Variants in RALGAPA1 observed in about 807,000 individuals in gnomAD.
RALGAPA1 encodes ral GTPase-activating protein subunit alpha-1.
Under a neutral mutation model 269.6 loss-of-function variants are expected in RALGAPA1, and 52 were observed. The observed-to-expected ratio is 0.19, with a 90% confidence interval of 0.15 to 0.24. The LOEUF (loss-of-function observed/expected upper bound fraction) is 0.24. Among genes scored for constraint, RALGAPA1 ranks in the 10% least tolerant of loss-of-function variants. RALGAPA1 has a pLI of 1.00. For missense variants in RALGAPA1, 1,917 were observed against 3,013.9 expected, an observed-to-expected ratio of 0.64 and a Z score of 8.52; for synonymous variants, 817 against 1,008.3, an observed-to-expected ratio of 0.81 and a Z score of 3.60.
chr14:35,744,255 C>T (rs1313706693), intron 10 of RALGAPA1, among the ~76,000 whole-genome samples: 1 of 151,468 alleles, frequency 6.6e-6, no homozygotes, highest in Non-Finnish European at 1.5e-5. Context: ...CCTGTAATAC[C>T]AGCTACTTGA....
At chr14:35,550,261 T>A (rs867105418) in intron 39 of RALGAPA1, among the ~76,000 whole-genome samples, 17 of 152,190 alleles carry the variant, frequency 1.1e-4, no homozygotes, top group Non-Finnish European at 7.4e-5. Context: ...AACTGAGAAA[T>A]CAGTTAACCT....
At chr14:35,731,530 T>C (rs1254656324) in intron 12 of RALGAPA1, among the ~76,000 whole-genome samples, 1 of 151,968 alleles carries the variant, frequency 6.6e-6, no homozygotes, top group Non-Finnish European at 1.5e-5. Flanking sequence ...TTAAATAGCT[T>C]AAAGAAAAAG....
chr14:35,713,146 G>A (rs942309157), intron 16 of RALGAPA1, among the ~76,000 whole-genome samples: 1 of 152,210 alleles, frequency 6.6e-6, no homozygotes, highest in Non-Finnish European at 1.5e-5. Context: ...AACGGATCTG[G>A]AGGTTGTGAA....
intron 32 of RALGAPA1, among the ~76,000 whole-genome samples, chr14:35,635,244 C>T (rs1408701542): frequency 6.6e-6 from 1 of 151,978 alleles, no homozygotes; most frequent in African/African-American, 2.4e-5. Flanking sequence ...AAATTATACT[C>T]ATATGTAACA....
chr14:35,764,409 T>C (rs1033673432), intron 4 of RALGAPA1, among the ~76,000 whole-genome samples: 3 of 152,000 alleles, frequency 2.0e-5, no homozygotes, highest in South Asian at 4.1e-4. Context: ...TATATATATA[T>C]GGAGTTCCTT....
At chr14:35,629,284 T>TGC (rs2061185058) in intron 33 of RALGAPA1, among the ~76,000 whole-genome samples, 1 of 34,778 alleles carries the variant, frequency 2.9e-5, no homozygotes. Flanking sequence ...GTTTAGGGGG[T>TGC]GTGTGTGTGT....
intron 37 of RALGAPA1, among the ~76,000 whole-genome samples, chr14:35,591,650 C>G (rs2058644192): frequency 6.6e-6 from 1 of 152,114 alleles, no homozygotes; most frequent in Non-Finnish European, 1.5e-5. Context: ...TCCTCTCCCT[C>G]AATCAATATA....
chr14:35,751,805 ACAAC>A (rs747603424), intron 8 of RALGAPA1, among the ~76,000 whole-genome samples: 3 of 148,048 alleles, frequency 2.0e-5, no homozygotes, highest in Non-Finnish European at 1.5e-5. Context: ...AACAACAACA[ACAAC>A]AACAAAAAAA....
rs528128383 is a variant in RALGAPA1, at chr14:35,600,820, T to C, written c.7053+4766A>G. Among the ~76,000 whole-genome samples, 4 of 152,364 alleles carry C rather than the reference T, an allele frequency of 2.6e-5. No individual in the cohort carries two copies. The South Asian group carries it at 8.3e-4, about 32-fold the overall frequency. On this transcript the variant is annotated intron_variant, in intron 36 of 41. Coordinates refer to ENST00000680220, the MANE Select transcript of RALGAPA1 (RefSeq NM_001346249.2). ...TTGTAATCTTGGTGTGGGCATCTGC[T>C]GTCTTTTTTTAAAATTCATTTTGAG...
At chr14:35,630,299 T>G (rs1233381223) in intron 33 of RALGAPA1, among the ~76,000 whole-genome samples, 2 of 152,188 alleles carry the variant, frequency 1.3e-5, no homozygotes, top group African/African-American at 4.8e-5. Flanking sequence ...ACTGGTTTTT[T>G]TTTTTTGGGA....
At chr14:35,773,094 A>G (rs1595507186) in intron 3 of RALGAPA1, among the ~76,000 whole-genome samples, 1 of 152,326 alleles carries the variant, frequency 6.6e-6, no homozygotes, top group Non-Finnish European at 1.5e-5. Context: ...GAAAAGACAA[A>G]TTTGTAAACT....
chr14:35,673,965 A>G (rs1307832431), intron 24 of RALGAPA1, among the ~76,000 whole-genome samples: 1 of 152,204 alleles, frequency 6.6e-6, no homozygotes, highest in Non-Finnish European at 1.5e-5. Flanking sequence ...ACCTCTCTAT[A>G]TTCACTTTTG....
intron 41 of RALGAPA1, among the ~76,000 whole-genome samples, chr14:35,544,710 G>A (rs1385531306): frequency 1.3e-5 from 2 of 152,076 alleles, no homozygotes; most frequent in Non-Finnish European, 2.9e-5. Context: ...ATAATTTCAG[G>A]CTAATCTAAT....
chr14:35,600,272 C>T (rs1351678007), intron 36 of RALGAPA1, among the ~76,000 whole-genome samples: 3 of 131,118 alleles, frequency 2.3e-5, no homozygotes, highest in East Asian at 2.4e-4. Flanking sequence ...GCTCTATCAC[C>T]CAGGCTGGAG....
intron 16 of RALGAPA1, among the ~76,000 whole-genome samples, chr14:35,711,847 T>C (rs967865951): frequency 1.3e-5 from 2 of 152,214 alleles, no homozygotes; most frequent in African/African-American, 2.4e-5. Context: ...CAATTCCTCC[T>C]TCTCATCCCT....
In RALGAPA1 at chr14:35,574,542, A is replaced by G. The variant is rs532692082; in HGVS notation, c.7210-1824T>C. Among the ~76,000 whole-genome samples the G allele has an allele frequency of 2.6e-5, 4 of 152,328 alleles. No individual in the cohort carries two copies. The South Asian group carries it at 8.3e-4, about 32-fold the overall frequency. On this transcript the variant is annotated intron_variant, in intron 37 of 41. Transcript: ENST00000680220. Reference sequence around the variant, plus strand: ...GAAATCCCTTATCATTTACATTCAAATGCTAAATAAGTAATTATTTTAGGC... The same window carrying G: ...GAAATCCCTTATCATTTACATTCAAGTGCTAAATAAGTAATTATTTTAGGC...
chr14:35,670,225 T>C (rs928579149), intron 26 of RALGAPA1, among the ~76,000 whole-genome samples: 4 of 152,194 alleles, frequency 2.6e-5, no homozygotes. Context: ...AGGCCCCAAA[T>C]AGAACTCCTT....
intron 39 of RALGAPA1, among the ~76,000 whole-genome samples, chr14:35,553,576 A>G (rs922375308): frequency 1.3e-5 from 2 of 152,220 alleles, no homozygotes; most frequent in Admixed American, 1.3e-4. Context: ...TGGCACAACC[A>G]GTAGGCTGTA....
intron 35 of RALGAPA1, 67 bp from the exon 36 acceptor site, chr14:35,605,776 A>G: frequency 6.5e-7 from 1 of 1,547,418 alleles, no homozygotes; most frequent in South Asian, 1.2e-5. Context: ...CCAACAATTA[A>G]GTTCTATGTA....
Sources: gnomAD v4.1 joint callset for allele counts (sites outside exome capture counted in the v4.1 genomes callset) on GRCh38, gnomAD v4.1.1 for gene constraint, MANE v1.5 for transcripts, NCBI Gene and HGNC (gene_info 2026-07-23, HGNC 2026-07-21) for gene names.